CFAP263: variants seen among roughly 807,000 people sequenced by gnomAD.
The protein encoded by CFAP263 is cilia- and flagella-associated protein 263.
the CFAP263 span, among the ~76,000 whole-genome samples, chr16:58,261,681 G>T: frequency 2.2e-4 from 33 of 152,324 alleles, no homozygotes; most frequent in East Asian, 5.6e-3. Context: ...GCTTAAGGAA[G>T]TTGTGTTGTT....
the CFAP263 span, chr16:58,278,612 G>T: frequency 6.2e-7 from 1 of 1,614,180 alleles, no homozygotes; most frequent in Non-Finnish European, 8.5e-7. Context: ...ATCAGGATGT[G>T]GGAAAGGAAA....
the CFAP263 span, among the ~76,000 whole-genome samples, chr16:58,279,395 GC>G: frequency 2.0e-5 from 3 of 152,232 alleles, no homozygotes; most frequent in East Asian, 5.8e-4. Flanking sequence ...CCAAATTTGG[GC>G]CCCTCAGATC....
At chr16:58,280,113 C>T in the CFAP263 span, 346 of 1,112,382 alleles carry the variant, frequency 3.1e-4, no homozygotes, top group Non-Finnish European at 3.8e-4. Flanking sequence ...TGGGCTTATC[C>T]GTGGCAGCCC....
chr16:58,262,800 T>TAGATAGATAGATAGGTAGATAGATAGAG, the CFAP263 span, among the ~76,000 whole-genome samples: 1 of 150,682 alleles, frequency 6.6e-6, no homozygotes, highest in African/African-American at 2.5e-5. Context: ...GATAGATAGA[T>TAGATAGATAGATAGGTAGATAGATAGAG]AGATAGACAG....
the CFAP263 span, among the ~76,000 whole-genome samples, chr16:58,264,839 C>CTA: frequency 6.6e-6 from 1 of 152,074 alleles, no homozygotes; most frequent in African/African-American, 2.4e-5. Context: ...AAGTGTGAAA[C>CTA]CTTGTTAAAG....
the CFAP263 span, among the ~76,000 whole-genome samples, chr16:58,272,668 T>C: frequency 5.3e-5 from 8 of 152,230 alleles, no homozygotes; most frequent in African/African-American, 1.9e-4. Flanking sequence ...GGCATATGAC[T>C]GTATTACATT....
chr16:58,266,787 G>A, the CFAP263 span, among the ~76,000 whole-genome samples: 821 of 152,298 alleles, frequency 5.4e-3, 5 homozygotes, highest in African/African-American at 0.019. Context: ...GGGGCCTGCA[G>A]AAGCCAGTGA....
At chr16:58,279,666 C>CT in the CFAP263 span, 1 of 1,495,922 alleles carries the variant, frequency 6.7e-7, no homozygotes, top group Non-Finnish European at 8.8e-7. Context: ...CATTTTTTTT[C>CT]TTTTTTTCTT....
At chr16:58,279,084 G>A in the CFAP263 span, among the ~76,000 whole-genome samples, 1 of 151,994 alleles carries the variant, frequency 6.6e-6, no homozygotes, top group Non-Finnish European at 1.5e-5. Flanking sequence ...AACGAATCCC[G>A]CAGACTTTGA....
chr16:58,280,292 T>C, the CFAP263 span: 2 of 1,614,086 alleles, frequency 1.2e-6, no homozygotes, highest in Non-Finnish European at 1.7e-6. Flanking sequence ...TGATACAACC[T>C]GTTCTGACCT....
the CFAP263 span, among the ~76,000 whole-genome samples, chr16:58,272,610 T>C: frequency 6.6e-6 from 1 of 152,224 alleles, no homozygotes; most frequent in African/African-American, 2.4e-5. Context: ...TATAATCTTA[T>C]GGGACCATCT....
the CFAP263 span, among the ~76,000 whole-genome samples, chr16:58,271,677 A>G: frequency 6.6e-6 from 1 of 152,140 alleles, no homozygotes; most frequent in Non-Finnish European, 1.5e-5. Context: ...TCATAATTAT[A>G]TTGGGGTTTA....
chr16:58,251,823 TACATACATATGTGTGTGTAACACACACAC>T, the CFAP263 span, among the ~76,000 whole-genome samples: 1 of 152,184 alleles, frequency 6.6e-6, no homozygotes. Flanking sequence ...CATATACATA[TACATACATATGTGTGTGTAACACACACAC>T]ACATACACAC....
the CFAP263 span, among the ~76,000 whole-genome samples, chr16:58,254,749 CG>C: frequency 6.6e-6 from 1 of 151,628 alleles, no homozygotes; most frequent in Non-Finnish European, 1.5e-5. Context: ...GTACTGCAGG[CG>C]CCCGCCACCA....
chr16:58,262,773 A>AGAT, the CFAP263 span, among the ~76,000 whole-genome samples: 2 of 147,704 alleles, frequency 1.4e-5, no homozygotes, highest in Non-Finnish European at 3.0e-5. Flanking sequence ...GTAGATAGAT[A>AGAT]GATAGATAGA....
chr16:58,264,738 G>A, the CFAP263 span, among the ~76,000 whole-genome samples: 1 of 152,104 alleles, frequency 6.6e-6, no homozygotes, highest in Non-Finnish European at 1.5e-5. Flanking sequence ...GGGTGGGAGG[G>A]TGACAGGAGG....
the CFAP263 span, among the ~76,000 whole-genome samples, chr16:58,279,016 A>T: frequency 6.6e-6 from 1 of 152,128 alleles, no homozygotes; most frequent in African/African-American, 2.4e-5. Flanking sequence ...ATTTTTTAAT[A>T]TCACTCAGGA....
the CFAP263 span, among the ~76,000 whole-genome samples, chr16:58,277,035 G>C: frequency 7.8e-4 from 119 of 152,328 alleles, no homozygotes; most frequent in African/African-American, 1.9e-3. Flanking sequence ...ACAGGAGTGG[G>C]ATGGGAGCTT....
chr16:58,269,282 G>T, the CFAP263 span, among the ~76,000 whole-genome samples: 17 of 152,110 alleles, frequency 1.1e-4, no homozygotes, highest in Non-Finnish European at 2.2e-4. Flanking sequence ...AGTGAGCCAA[G>T]ATCGTGCCAC....
Sources: allele counts gnomAD v4.1 joint callset (sites outside exome capture counted in the v4.1 genomes callset), GRCh38; gene constraint gnomAD v4.1.1; transcripts MANE v1.5; gene names NCBI Gene and HGNC (gene_info 2026-07-23, HGNC 2026-07-21).